GABRB1: variants seen among roughly 807,000 people sequenced by gnomAD.
GABRB1 encodes gamma-aminobutyric acid type A receptor subunit beta1.
A neutral mutation model predicts 51.6 loss-of-function variants in GABRB1; 17 were observed. That is an observed-to-expected ratio of 0.33 (90% confidence interval 0.23 to 0.49). The LOEUF (loss-of-function observed/expected upper bound fraction) is 0.49, where lower values mean the gene tolerates loss of function less well. Among genes scored for constraint, GABRB1 ranks in the 20% least tolerant of loss-of-function variants. The probability of loss-of-function intolerance (pLI) is 0.99; values close to 1 mark genes in which losing one functional copy is unlikely to be tolerated. For synonymous variants in GABRB1, 247 were observed against 218.9 expected, an observed-to-expected ratio of 1.13 and a Z score of -1.14; for missense variants, 410 against 600.6, an observed-to-expected ratio of 0.68 and a Z score of 3.32.
In GABRB1 at chr4:47,215,859, C is replaced by T. The variant is rs548649212; in HGVS notation, c.461+54390C>T. The stretch of plus-strand genomic sequence containing the variant: ...GGAATGAATACTGCCTCTTTAGAAG[C>T]CAGCTCAGTCAAATTCTTCATTCAT... On this transcript the variant is annotated intron_variant, in intron 4 of 8. Transcript: ENST00000295454. Among the ~76,000 whole-genome samples the T allele has an allele frequency of 2.6e-5, 4 of 152,132 alleles. No homozygotes were observed. In the East Asian group the frequency reaches 7.7e-4, roughly 29 times the overall value.
chr4:47,123,566 AT>A (rs1577928236), intron 3 of GABRB1, among the ~76,000 whole-genome samples: 2 of 63,558 alleles, frequency 3.1e-5, no homozygotes, highest in East Asian at 5.5e-4. Context: ...ATTATAATAT[AT>A]TACATTATTT....
At chr4:47,161,123 T>C in intron 3 of GABRB1, 126 bp from the exon 4 acceptor site, 1 of 654,804 alleles carries the variant, frequency 1.5e-6, no homozygotes, top group East Asian at 2.7e-5. Context: ...GGTTACCTTA[T>C]ACCTCTAGGT....
chr4:47,319,860 G>A (rs963122320), intron 4 of GABRB1, among the ~76,000 whole-genome samples: 1 of 152,072 alleles, frequency 6.6e-6, no homozygotes, highest in African/African-American at 2.4e-5. Flanking sequence ...CACTCTCCTT[G>A]TTCGTTATTG....
intron 5 of GABRB1, among the ~76,000 whole-genome samples, chr4:47,336,652 A>G (rs534300152): frequency 6.6e-6 from 1 of 152,292 alleles, no homozygotes; most frequent in South Asian, 2.1e-4. Context: ...AATGTTCTAG[A>G]AAAAGAAGTG....
At chr4:47,114,160 T>C (rs543735554) in intron 3 of GABRB1, among the ~76,000 whole-genome samples, 1 of 151,454 alleles carries the variant, frequency 6.6e-6, no homozygotes, top group African/African-American at 2.4e-5. Flanking sequence ...CTCAATCCTA[T>C]GTATAGTGAT....
chr4:47,173,821 T>C (rs1487321974), intron 4 of GABRB1, among the ~76,000 whole-genome samples: 1 of 152,190 alleles, frequency 6.6e-6, no homozygotes, highest in African/African-American at 2.4e-5. Context: ...ACTGCTGCCC[T>C]GCTCAGAAAC....
intron 5 of GABRB1, among the ~76,000 whole-genome samples, chr4:47,399,856 C>T (rs1330171756): frequency 3.9e-5 from 6 of 152,148 alleles, no homozygotes; most frequent in Non-Finnish European, 7.3e-5. Flanking sequence ...ACACCTTGCA[C>T]TTTCTGTCTG....
chr4:47,314,837 C>A (rs1427847971), intron 4 of GABRB1, among the ~76,000 whole-genome samples: 3 of 151,896 alleles, frequency 2.0e-5, no homozygotes, highest in African/African-American at 4.8e-5. Flanking sequence ...ATAATCACAT[C>A]TTTTCTAGAA....
At chr4:47,211,427 G>A (rs1211884542) in intron 4 of GABRB1, among the ~76,000 whole-genome samples, 1 of 152,136 alleles carries the variant, frequency 6.6e-6, no homozygotes. Context: ...CTTTAAAAAT[G>A]ATCAAACAGA....
chr4:47,057,743 A>T lies in GABRB1; in HGVS notation c.240+25259A>T, dbSNP rs146284867. ...TGTCTAAACCTGGATGTAAGAGGAG[A>T]GTGTAAACTTTGTGAAAATACGGAC... On this transcript the variant is annotated intron_variant, in intron 3 of 8. Transcript: ENST00000295454. Among the ~76,000 whole-genome samples, 1,288 of 152,314 alleles carry T rather than the reference A, an allele frequency of 8.5e-3. 14 individuals are homozygous for T. Among genetic ancestry groups the T allele is most frequent in the African/African-American group, 0.028 (1,180 of 41,568 alleles).
intron 1 of GABRB1, among the ~76,000 whole-genome samples, chr4:47,019,676 T>TTTCC (rs1307635332): frequency 2.2e-5 from 3 of 137,732 alleles, no homozygotes; most frequent in Non-Finnish European, 4.7e-5. Flanking sequence ...TCTTTCTTTC[T>TTTCC]TTCCTTCTTT....
At chr4:47,267,434 A>G (rs180865789) in intron 4 of GABRB1, among the ~76,000 whole-genome samples, 160 of 152,242 alleles carry the variant, frequency 1.1e-3, no homozygotes, top group African/African-American at 3.5e-3. Flanking sequence ...AAGATAAAAA[A>G]CTAAAAAATT....
chr4:47,289,682 C>A (rs1399006576), intron 4 of GABRB1, among the ~76,000 whole-genome samples: 2 of 152,294 alleles, frequency 1.3e-5, no homozygotes, highest in African/African-American at 4.8e-5. Context: ...GTGATGGAAA[C>A]CCATGCATGA....
chr4:47,059,442 G>A (rs1278996097), intron 3 of GABRB1, among the ~76,000 whole-genome samples: 1 of 152,056 alleles, frequency 6.6e-6, no homozygotes, highest in African/African-American at 2.4e-5. Context: ...GAGTAACTGG[G>A]ACTACAGGCA....
chr4:47,140,495 C>T (rs961702858), intron 3 of GABRB1, among the ~76,000 whole-genome samples: 3 of 151,780 alleles, frequency 2.0e-5, no homozygotes, highest in African/African-American at 7.3e-5. Flanking sequence ...TTTTTTGTAT[C>T]TGAAAAAAGG....
chr4:47,392,294 A>G (rs1049901155), intron 5 of GABRB1, among the ~76,000 whole-genome samples: 2 of 150,878 alleles, frequency 1.3e-5, no homozygotes, highest in African/African-American at 4.9e-5. Context: ...AGGCACTACC[A>G]TGCTGCAAGA....
Position 47,081,610 on chromosome 4 carries a change from A to G in GABRB1, c.240+49126A>G, listed in dbSNP as rs191602176. On this transcript the variant is annotated intron_variant, in intron 3 of 8. Transcript: ENST00000295454. ...ACTTTTTAAATATACCTCCTTCTTT[A>G]TCTCCCTCATATTCAATGGTTGGTT... is the stretch of plus-strand genomic sequence containing the variant. Among the ~76,000 whole-genome samples the G allele has an allele frequency of 6.7e-3, 1,026 of 152,174 alleles. 10 individuals are homozygous for G. The highest frequency in any genetic ancestry group is 0.023 in the African/African-American group (971 of 41,564).
intron 4 of GABRB1, among the ~76,000 whole-genome samples, chr4:47,316,876 A>AAATT: frequency 6.6e-6 from 1 of 151,988 alleles, no homozygotes; most frequent in African/African-American, 2.4e-5. Flanking sequence ...AATAAAAAAT[A>AAATT]AATTGGTAAT....
chr4:47,303,891 C>T (rs956094622), intron 4 of GABRB1, among the ~76,000 whole-genome samples: 1 of 152,032 alleles, frequency 6.6e-6, no homozygotes, highest in Non-Finnish European at 1.5e-5. Context: ...TTAGATTCCA[C>T]ATATGAGTGA....
Sources: allele counts gnomAD v4.1 joint callset (sites outside exome capture counted in the v4.1 genomes callset), GRCh38; gene constraint gnomAD v4.1.1; transcripts MANE v1.5; gene names NCBI Gene and HGNC (gene_info 2026-07-23, HGNC 2026-07-21).